The following PDE4D variants were observed in gnomAD, a reference collection of about 807,000 sequenced individuals.
PDE4D encodes the protein phosphodiesterase 4D, also known as 3',5'-cyclic-AMP phosphodiesterase 4D.
PDE4D carries 24 observed loss-of-function variants against 87.4 expected under a neutral mutation model. The ratio of observed to expected loss-of-function variants is 0.27; its 90% CI spans 0.20 to 0.39. The LOEUF is 0.39. Among genes scored for constraint, PDE4D ranks in the 10% least tolerant of loss-of-function variants. PDE4D has a pLI of 1.00. For synonymous variants in PDE4D, 384 were observed against 383.2 expected (o/e 1.00, Z -0.02); for missense variants, 714 against 1,041.0 (o/e 0.69, Z 4.32).
chr5:59,126,219 A>G (rs1368035515), intron 5 of PDE4D, among the ~76,000 whole-genome samples: 4 of 152,194 alleles, frequency 2.6e-5, no homozygotes, highest in South Asian at 2.1e-4. Context: ...TAAACCTCAG[A>G]CAAAACAAAA....
chr5:59,583,886 T>C (rs1583217320), intron 1 of PDE4D, among the ~76,000 whole-genome samples: 1 of 152,120 alleles, frequency 6.6e-6, no homozygotes, highest in African/African-American at 2.4e-5. Flanking sequence ...ACATGCCAAG[T>C]CCCGCCTCTC....
chr5:59,681,701 C>T (rs924795482), intron 1 of PDE4D, among the ~76,000 whole-genome samples: 1 of 151,894 alleles, frequency 6.6e-6, no homozygotes, highest in African/African-American at 2.4e-5. Flanking sequence ...CAGATGGAGA[C>T]CGTCCTGGCT....
At chr5:60,215,952 T>C (rs1436673944) in intron 1 of PDE4D, among the ~76,000 whole-genome samples, 2 of 152,188 alleles carry the variant, frequency 1.3e-5, no homozygotes, top group African/African-American at 4.8e-5. Context: ...CAGTTATCAA[T>C]TATCTAAATG....
chr5:59,044,238 G>A (rs1050628845), intron 5 of PDE4D, among the ~76,000 whole-genome samples: 8 of 152,142 alleles, frequency 5.3e-5, no homozygotes, highest in African/African-American at 1.9e-4. Context: ...ACTTTTTAAT[G>A]ATTGCCATTC....
At chr5:59,371,388 G>A (rs1783910643) in intron 1 of PDE4D, among the ~76,000 whole-genome samples, 1 of 152,152 alleles carries the variant, frequency 6.6e-6, no homozygotes, top group Non-Finnish European at 1.5e-5. Flanking sequence ...AAAGATTAGA[G>A]GCAGAGAGAC....
intron 6 of PDE4D, among the ~76,000 whole-genome samples, chr5:59,022,135 C>T (rs1755282002): frequency 6.6e-6 from 1 of 152,234 alleles, no homozygotes; most frequent in Admixed American, 6.5e-5. Flanking sequence ...ATTTCTACAG[C>T]TGACTGTCTG....
intron 1 of PDE4D, among the ~76,000 whole-genome samples, chr5:59,427,849 T>C (rs1795533704): frequency 6.7e-6 from 1 of 149,360 alleles, no homozygotes; most frequent in Admixed American, 6.7e-5. Context: ...ATTGCTATAC[T>C]AAAATTGAGA....
At chr5:59,976,211 T>C (rs1761314213) in intron 3 of PDE4D, among the ~76,000 whole-genome samples, 1 of 152,220 alleles carries the variant, frequency 6.6e-6, no homozygotes, top group Non-Finnish European at 1.5e-5. Context: ...TATGATTTTA[T>C]TGTTTTTAAT....
chr5:60,211,986 C>A (rs1181431291), intron 1 of PDE4D, among the ~76,000 whole-genome samples: 1 of 152,228 alleles, frequency 6.6e-6, no homozygotes, highest in African/African-American at 2.4e-5. Context: ...GTTTTGGAGG[C>A]TTCAGAGTGA....
At chr5:59,957,721 A>T (rs1460615374) in intron 3 of PDE4D, among the ~76,000 whole-genome samples, 1 of 151,986 alleles carries the variant, frequency 6.6e-6, no homozygotes, top group Non-Finnish European at 1.5e-5. Context: ...AAATGCTATA[A>T]CGTATTTTCT....
intron 1 of PDE4D, among the ~76,000 whole-genome samples, chr5:59,784,836 T>C (rs1172548988): frequency 6.6e-6 from 1 of 152,164 alleles, no homozygotes; most frequent in East Asian, 1.9e-4. Flanking sequence ...ATTTTCCCCA[T>C]ACTGTTCTCA....
rs1744080928 is a variant in PDE4D, at chr5:60,218,111, A to G, written c.-89-32424T>C. Among the ~76,000 whole-genome samples, 3 of 152,096 alleles carry G rather than the reference A, an allele frequency of 2.0e-5. No homozygotes were observed. The South Asian group carries it at 6.2e-4, about 31-fold the overall frequency. ...AAATCACAACAGACATTCATAACTG[A>G]AAAATGAAAATAAAGATCTATCAAG... On this transcript the variant is annotated intron_variant, in intron 1 of 16. Coordinates refer to the PDE4D transcript ENST00000502484.
chr5:59,013,666 CA>C (rs1753335318), intron 6 of PDE4D, among the ~76,000 whole-genome samples: 1 of 151,866 alleles, frequency 6.6e-6, no homozygotes, highest in Non-Finnish European at 1.5e-5. Context: ...GCCTACCAAC[CA>C]AAAAAAGTCC....
chr5:59,937,863 C>T (rs1376326202), intron 3 of PDE4D, among the ~76,000 whole-genome samples: 1 of 152,184 alleles, frequency 6.6e-6, no homozygotes, highest in East Asian at 1.9e-4. Flanking sequence ...GCTCAAGAGA[C>T]CATACTTAGC....
At chr5:59,569,495 G>A (rs922661980) in intron 1 of PDE4D, among the ~76,000 whole-genome samples, 1 of 152,136 alleles carries the variant, frequency 6.6e-6, no homozygotes, top group African/African-American at 2.4e-5. Context: ...GCAAATCAAT[G>A]TTATCATCTA....
chr5:60,125,334 A>T (rs1022199539), intron 2 of PDE4D, among the ~76,000 whole-genome samples: 2 of 152,188 alleles, frequency 1.3e-5, no homozygotes, highest in Non-Finnish European at 2.9e-5. Context: ...ATCAAGCAGC[A>T]AACTTGTGAA....
intron 1 of PDE4D, among the ~76,000 whole-genome samples, chr5:59,680,077 G>A (rs1461349984): frequency 6.6e-6 from 1 of 152,000 alleles, no homozygotes; most frequent in Non-Finnish European, 1.5e-5. Context: ...TTAAAGTTAG[G>A]ATTGCTTAAT....
intron 5 of PDE4D, among the ~76,000 whole-genome samples, chr5:59,156,318 A>AT (rs530343458): frequency 2.8e-3 from 60 of 21,288 alleles, no homozygotes; most frequent in African/African-American, 4.7e-3. Context: ...AGAAAAAAAA[A>AT]AAATATATAT....
At chr5:60,360,385 C>T (rs1352498246) in intron 1 of PDE4D, among the ~76,000 whole-genome samples, 1 of 152,174 alleles carries the variant, frequency 6.6e-6, no homozygotes, top group Non-Finnish European at 1.5e-5. Context: ...TCACATTCAA[C>T]TAAAATGCAA....
Sources: allele counts gnomAD v4.1 joint callset (sites outside exome capture counted in the v4.1 genomes callset), GRCh38; gene constraint gnomAD v4.1.1; transcripts MANE v1.5; gene names NCBI Gene and HGNC (gene_info 2026-07-23, HGNC 2026-07-21).